Variants in RAD51B observed in about 807,000 individuals in gnomAD.
The protein encoded by RAD51B is DNA repair protein RAD51 homolog 2.
RAD51B carries 38 observed loss-of-function variants against 42.2 expected under a neutral mutation model. The observed-to-expected ratio is 0.90, with a 90% CI of 0.70 to 1.18. The LOEUF (loss-of-function observed/expected upper bound fraction) is 1.18, where lower values mean the gene tolerates loss of function less well. Ranked by LOEUF, RAD51B falls within the 50% of genes most tolerant of loss-of-function variation. RAD51B has a pLI of 0.00. For synonymous variants in RAD51B, 154 were observed against 145.2 expected (o/e 1.06, Z -0.43); for missense variants, 373 against 400.7 (o/e 0.93, Z 0.59).
chr14:68,643,489 G>C (rs1330304359), intron 10 of RAD51B, among the ~76,000 whole-genome samples: 3 of 152,160 alleles, frequency 2.0e-5, no homozygotes, highest in Non-Finnish European at 4.4e-5. Flanking sequence ...AGGAGGATGG[G>C]AGTGGTGGGG....
At position 68,089,023 on chromosome 14, in the gene RAD51B, A is replaced by C. The variant is rs115754134; in HGVS notation, c.756+201819A>C. Among the ~76,000 whole-genome samples the C allele has an allele frequency of 6.4e-3, 980 of 152,256 alleles. 13 individuals are homozygous for C. The highest frequency in any genetic ancestry group is 0.022 in the African/African-American group (906 of 41,540). On this transcript the variant is annotated intron_variant, in intron 7 of 10. Transcript: ENST00000471583. ...AACTCTGAAAAACAAGTTTAAAAAAAATTTCTCATCATTTTCTGCTTTTCA... is the reference window on the plus strand; with the variant it reads ...AACTCTGAAAAACAAGTTTAAAAAACATTTCTCATCATTTTCTGCTTTTCA...
intron 7 of RAD51B, among the ~76,000 whole-genome samples, chr14:67,994,726 A>G (rs1339354276): frequency 6.6e-6 from 1 of 152,114 alleles, no homozygotes; most frequent in African/African-American, 2.4e-5. Context: ...GCTCCTTTTC[A>G]TCAATCTTCC....
chr14:67,888,477 C>T (rs1332712069), intron 7 of RAD51B, among the ~76,000 whole-genome samples: 1 of 152,108 alleles, frequency 6.6e-6, no homozygotes, highest in Non-Finnish European at 1.5e-5. Context: ...CCTGCAGTCT[C>T]AGCTACTCAA....
At position 68,184,734 on chromosome 14, in the gene RAD51B, C is replaced by G. The variant is rs558925794; in HGVS notation, c.757-107150C>G. Among the ~76,000 whole-genome samples, 13 of 152,040 alleles carry G rather than the reference C, an allele frequency of 8.6e-5. No homozygotes were observed. The South Asian group carries it at 2.7e-3, about 32-fold the overall frequency. ...ATTTTTATGCTGCAGGTGCTTCTCT[C>G]CAAAGACCATTGGTAAGTTTACCTG... On this transcript the variant is annotated intron_variant, in intron 7 of 10. Coordinates refer to ENST00000471583, the MANE Select transcript of RAD51B (RefSeq NM_133510.4).
intron 7 of RAD51B, among the ~76,000 whole-genome samples, chr14:68,122,682 A>G (rs2077674216): frequency 6.6e-6 from 1 of 152,234 alleles, no homozygotes; most frequent in African/African-American, 2.4e-5. Flanking sequence ...ATTCCACTTA[A>G]GGAATTTTCC....
intron 7 of RAD51B, among the ~76,000 whole-genome samples, chr14:68,082,485 A>ATATATG (rs1555352653): frequency 6.7e-6 from 1 of 148,870 alleles, no homozygotes; most frequent in African/African-American, 2.5e-5. Flanking sequence ...ATATATATAT[A>ATATATG]TATGTATTTA....
intron 8 of RAD51B, among the ~76,000 whole-genome samples, chr14:68,396,187 G>A (rs2083916407): frequency 6.6e-6 from 1 of 152,186 alleles, no homozygotes; most frequent in South Asian, 2.1e-4. Flanking sequence ...TAAAATAGGG[G>A]CAACACTAGA....
chr14:67,872,699 C>T (rs2042584056), intron 5 of RAD51B, among the ~76,000 whole-genome samples: 1 of 151,768 alleles, frequency 6.6e-6, no homozygotes, highest in Non-Finnish European at 1.5e-5. Flanking sequence ...TACTACAAGG[C>T]TACAGTAACC....
chr14:68,592,393 T>C (rs1478483815), intron 10 of RAD51B, among the ~76,000 whole-genome samples: 1 of 152,142 alleles, frequency 6.6e-6, no homozygotes, highest in Non-Finnish European at 1.5e-5. Context: ...ATCATAATAC[T>C]AATAATTTTG....
chr14:68,226,286 G>A (rs1446413852), intron 7 of RAD51B, among the ~76,000 whole-genome samples: 1 of 152,194 alleles, frequency 6.6e-6, no homozygotes. Context: ...TTAAAAGTAA[G>A]AAAGCATAAT....
chr14:68,487,525 TTTGAG>T (rs1370738417), intron 10 of RAD51B, among the ~76,000 whole-genome samples: 2 of 152,104 alleles, frequency 1.3e-5, no homozygotes, highest in African/African-American at 2.4e-5. Flanking sequence ...TCTTTTTTTT[TTTGAG>T]TTAAGTCTCA....
chr14:68,254,384 G>A (rs945486926), intron 7 of RAD51B, among the ~76,000 whole-genome samples: 1 of 152,194 alleles, frequency 6.6e-6, no homozygotes, highest in Non-Finnish European at 1.5e-5. Context: ...TAGATGAGAG[G>A]AAAGCCACAT....
At chr14:68,177,033 G>A (rs1250181588) in intron 7 of RAD51B, among the ~76,000 whole-genome samples, 4 of 152,154 alleles carry the variant, frequency 2.6e-5, no homozygotes, top group Non-Finnish European at 5.9e-5. Flanking sequence ...GAGCAAAGGA[G>A]TCCTTTTCTC....
intron 9 of RAD51B, among the ~76,000 whole-genome samples, chr14:68,428,707 TTATATATATATATATATA>T (rs532906803): frequency 0.011 from 1,058 of 99,484 alleles, 28 homozygotes; most frequent in Non-Finnish European, 0.013. Flanking sequence ...AGGATTTTCT[TTATATATATATATATATA>T]TATATATATA....
intron 4 of RAD51B, among the ~76,000 whole-genome samples, chr14:67,836,913 G>C (rs1188390085): frequency 6.6e-6 from 1 of 152,050 alleles, no homozygotes; most frequent in East Asian, 1.9e-4. Flanking sequence ...AGTTCTAGGG[G>C]CATAAATACT....
At chr14:68,354,013 C>T (rs768097097) in intron 8 of RAD51B, among the ~76,000 whole-genome samples, 3 of 152,150 alleles carry the variant, frequency 2.0e-5, no homozygotes, top group Non-Finnish European at 4.4e-5. Flanking sequence ...CTCATCACCA[C>T]TTCCATGAAA....
At chr14:67,889,171 T>C (rs1442923732) in intron 7 of RAD51B, among the ~76,000 whole-genome samples, 1 of 152,176 alleles carries the variant, frequency 6.6e-6, no homozygotes. Flanking sequence ...TATGTACTTA[T>C]ATAACTGTGA....
intron 7 of RAD51B, among the ~76,000 whole-genome samples, chr14:68,004,513 A>G (rs2075547224): frequency 6.6e-6 from 1 of 152,080 alleles, no homozygotes; most frequent in South Asian, 2.1e-4. Flanking sequence ...GGATTTTCTC[A>G]TCATGAAGAT....
chr14:67,980,943 C>T lies in RAD51B; in HGVS notation c.756+93739C>T, dbSNP rs537724285. On this transcript the variant is annotated intron_variant, in intron 7 of 10. Coordinates refer to ENST00000471583, the MANE Select transcript of RAD51B (RefSeq NM_133510.4). ...GAAAAGAGAATGAGAAGGCAAGCCA[C>T]AGATTTGTGGAGATGATATTTGCAA... is the stretch of plus-strand genomic sequence containing the variant. 2.0e-5 allele frequency among the ~76,000 whole-genome samples: 3 copies of T among 152,222 alleles called. No homozygotes were observed. In the East Asian group the frequency reaches 5.8e-4, roughly 29 times the overall value.
Sources: allele counts gnomAD v4.1 joint callset (sites outside exome capture counted in the v4.1 genomes callset), GRCh38; gene constraint gnomAD v4.1.1; transcripts MANE v1.5; gene names NCBI Gene and HGNC (gene_info 2026-07-23, HGNC 2026-07-21).